Variants in CEP128 observed in about 807,000 individuals in gnomAD.
The protein encoded by CEP128 is centrosomal protein 128kDa.
Under a neutral mutation model 156.7 loss-of-function variants are expected in CEP128, and 132 were observed. The ratio of observed to expected loss-of-function variants is 0.84; its 90% CI spans 0.73 to 0.97. The LOEUF is 0.97. Among genes scored for constraint, CEP128 ranks in the 50% least tolerant of loss-of-function variants. The pLI is 0.00. For missense variants in CEP128, 1,252 were observed against 1,281.9 expected, an observed-to-expected ratio of 0.98 and a Z score of 0.36; for synonymous variants, 469 against 448.9, an observed-to-expected ratio of 1.04 and a Z score of -0.57.
chr14:80,728,500 C>T (rs118086543), intron 19 of CEP128, among the ~76,000 whole-genome samples: 1,661 of 151,886 alleles, frequency 0.011, 11 homozygotes, highest in Non-Finnish European at 0.015. Context: ...GCACATGTAC[C>T]CCTGAACCTA....
intron 19 of CEP128, among the ~76,000 whole-genome samples, chr14:80,591,111 A>G (rs1478653247): frequency 6.6e-6 from 1 of 152,222 alleles, no homozygotes; most frequent in African/African-American, 2.4e-5. Flanking sequence ...AATGGGCAAA[A>G]TAAACAGCTA....
chr14:80,831,262 G>C lies in CEP128; in HGVS notation c.1090C>G (p.Gln364Glu). Residue 364 changes from glutamine to glutamate, a missense_variant, in exon 13 of 25, where the codon CAA becomes GAA. Gln to Glu is a conservative substitution (Grantham distance 29). Coordinates refer to ENST00000555265, the MANE Select transcript of CEP128 (RefSeq NM_152446.5). ...AGCTGCACTCTCAAATCTGACATTT[G>C]CTTCTCCAGGTCCTGTTTTTCCCGC... is the stretch of plus-strand genomic sequence containing the variant. ...VEREKQDLEK[Q>E]MSDLRVQLNF... 1 of 1,613,898 alleles carries C rather than the reference G, an allele frequency of 6.2e-7. No individual in the cohort carries two copies. The highest frequency in any genetic ancestry group is 8.5e-7 in the Non-Finnish European group (1 of 1,179,940).
At chr14:80,778,894 CTG>C (rs1370518135) in intron 15 of CEP128, among the ~76,000 whole-genome samples, 3 of 152,144 alleles carry the variant, frequency 2.0e-5, no homozygotes, top group Non-Finnish European at 4.4e-5. Flanking sequence ...TCGTAACAAC[CTG>C]TGAGAATCAA....
intron 19 of CEP128, among the ~76,000 whole-genome samples, chr14:80,584,586 A>G (rs1267322407): frequency 6.6e-6 from 1 of 152,192 alleles, no homozygotes; most frequent in South Asian, 2.1e-4. Context: ...GTTCAAGCAC[A>G]TGCATTTGGA....
intron 14 of CEP128, among the ~76,000 whole-genome samples, chr14:80,791,020 A>C (rs1223982774): frequency 2.6e-5 from 4 of 152,222 alleles, no homozygotes; most frequent in Non-Finnish European, 5.9e-5. Context: ...AAAATCAAAA[A>C]GAAAGTAGCT....
chr14:80,586,553 T>A (rs1460349945), intron 19 of CEP128, among the ~76,000 whole-genome samples: 1 of 152,248 alleles, frequency 6.6e-6, no homozygotes, highest in Non-Finnish European at 1.5e-5. Flanking sequence ...AGTATTCCAA[T>A]GCCTATATAT....
At chr14:80,757,912 T>C (rs1899750581) in intron 17 of CEP128, among the ~76,000 whole-genome samples, 1 of 152,220 alleles carries the variant, frequency 6.6e-6, no homozygotes. Context: ...TATCTAAATC[T>C]CACCCAATTC....
chr14:80,644,582 A>C (rs779532092), intron 19 of CEP128, among the ~76,000 whole-genome samples: 2 of 152,244 alleles, frequency 1.3e-5, no homozygotes, highest in Non-Finnish European at 2.9e-5. Flanking sequence ...ATAATGAGAA[A>C]TCAAAACTCA....
chr14:80,745,589 A>T (rs1174154266), intron 18 of CEP128, among the ~76,000 whole-genome samples: 2 of 152,206 alleles, frequency 1.3e-5, no homozygotes, highest in Non-Finnish European at 2.9e-5. Flanking sequence ...AACTACAAAT[A>T]GAAGAGAACC....
rs1350525281 is a variant in CEP128, at chr14:80,559,322, T to G, written c.2857-20A>C. The stretch of plus-strand genomic sequence containing the variant: ...ACGGTCCTGCAAAGAAAGCATAATA[T>G]ATAATTATAAAACGAAGGCTGTTTA... On this transcript the variant is annotated intron_variant, in intron 20 of 24. Coordinates refer to ENST00000555265, the MANE Select transcript of CEP128 (RefSeq NM_152446.5). 2 of 1,581,616 alleles carry G rather than the reference T, an allele frequency of 1.3e-6. No individual in the cohort carries two copies. Among genetic ancestry groups the G allele is most frequent in the Non-Finnish European group, 1.7e-6 (2 of 1,166,664 alleles).
At chr14:80,712,063 T>C (rs1161534765) in intron 19 of CEP128, among the ~76,000 whole-genome samples, 1 of 152,124 alleles carries the variant, frequency 6.6e-6, no homozygotes, top group Non-Finnish European at 1.5e-5. Flanking sequence ...ATATCATAAT[T>C]TAATAATTAT....
chr14:80,829,366 T>C (rs1284998739), intron 13 of CEP128, among the ~76,000 whole-genome samples: 2 of 152,222 alleles, frequency 1.3e-5, no homozygotes, highest in African/African-American at 4.8e-5. Flanking sequence ...AATTTATTCT[T>C]AGAAGCAAGA....
At chr14:80,569,355 T>C (rs6574588) in intron 20 of CEP128, among the ~76,000 whole-genome samples, 86,187 of 152,014 alleles carry the variant, frequency 0.57, 24,737 homozygotes, top group East Asian at 0.72. Context: ...CATCCTCAAC[T>C]GTATTGCTTT....
At chr14:80,905,020 T>C in intron 5 of CEP128, 89 bp from the exon 6 acceptor site, 2 of 775,474 alleles carry the variant, frequency 2.6e-6, no homozygotes, top group South Asian at 1.5e-5. Flanking sequence ...ATGGCAGACA[T>C]GGATATACAT....
At chr14:80,699,347 C>A (rs12892220) in intron 19 of CEP128, among the ~76,000 whole-genome samples, 31,932 of 152,068 alleles carry the variant, frequency 0.21, 4,457 homozygotes, top group Non-Finnish European at 0.31. Context: ...GCACTACAGG[C>A]CATGGCCATG....
chr14:80,735,025 C>T (rs1259737123), intron 19 of CEP128, among the ~76,000 whole-genome samples: 2 of 152,042 alleles, frequency 1.3e-5, no homozygotes, highest in Non-Finnish European at 2.9e-5. Flanking sequence ...GTATCCCTCC[C>T]AGATGTCAGA....
intron 23 of CEP128, 137 bp from the exon 24 acceptor site, chr14:80,505,157 C>T (rs973355823): frequency 2.8e-6 from 1 of 356,160 alleles, no homozygotes; most frequent in Non-Finnish European, 5.1e-6. Context: ...ATTATAATCA[C>T]TGTAAAAATA....
intron 14 of CEP128, among the ~76,000 whole-genome samples, chr14:80,790,358 G>A (rs758495839): frequency 5.3e-5 from 8 of 151,908 alleles, no homozygotes; most frequent in Non-Finnish European, 7.4e-5. Context: ...TTCCTTTATC[G>A]TTTTCAAAGC....
intron 23 of CEP128, among the ~76,000 whole-genome samples, chr14:80,518,222 C>T (rs1888581492): frequency 6.6e-6 from 1 of 150,908 alleles, no homozygotes; most frequent in Non-Finnish European, 1.5e-5. Context: ...TGCTTTTAGC[C>T]TAATTGGTAT....
Sources: gnomAD v4.1 joint callset for allele counts (sites outside exome capture counted in the v4.1 genomes callset) on GRCh38, gnomAD v4.1.1 for gene constraint, MANE v1.5 for transcripts, NCBI Gene and HGNC (gene_info 2026-07-23, HGNC 2026-07-21) for gene names.